LITAF: variants seen among roughly 807,000 people sequenced by gnomAD.
LITAF encodes the protein lipopolysaccharide-induced tumor necrosis factor-alpha factor.
Under a neutral mutation model 14.5 loss-of-function variants are expected in LITAF, and 9 were observed. That is an observed-to-expected ratio of 0.62 (90% CI 0.37 to 1.08). The LOEUF (loss-of-function observed/expected upper bound fraction) is 1.08. LITAF is among the 50% of genes least tolerant of loss of function. The pLI, the probability that LITAF is intolerant of heterozygous loss-of-function variation, is 0.01. For missense variants in LITAF, 206 were observed against 213.4 expected, an observed-to-expected ratio of 0.97 and a Z score of 0.22; for synonymous variants, 98 against 88.2, an observed-to-expected ratio of 1.11 and a Z score of -0.62.
rs71778957 is a variant in LITAF, at chr16:11,548,588, CT to C, written c.*1048del. 126,377 of 361,890 alleles carry C rather than the reference CT, an allele frequency of 0.35. 4,021 individuals are homozygous for C. Among genetic ancestry groups the C allele is most frequent in the South Asian group, 0.4 (17,537 of 44,352 alleles). The allele number at this position is 361,890 out of a possible 1,614,324, so 22.4% of individuals were successfully genotyped here. A position where few individuals can be genotyped will look rare whatever the true frequency, so the allele number is the denominator to read the frequency against. ...TAGATGAAATTATCCATTTCTTTTT[CT>C]TTTTTTTTTTTTTAAGTGAGACTAC... On this transcript the variant is annotated 3_prime_UTR_variant, in exon 4 of 4. Coordinates refer to ENST00000622633, the MANE Select transcript of LITAF (RefSeq NM_001136472.2).
intron 1 of LITAF, among the ~76,000 whole-genome samples, chr16:11,562,437 G>A (rs527824756): frequency 3.9e-5 from 6 of 152,142 alleles, no homozygotes; most frequent in African/African-American, 1.4e-4. Flanking sequence ...GTGACCGGTG[G>A]TGACAGAAAA....
At chr16:11,607,878 A>G (rs2064962741) in intron 3 of LITAF, among the ~76,000 whole-genome samples, 1 of 152,070 alleles carries the variant, frequency 6.6e-6, no homozygotes, top group Admixed American at 6.6e-5. Flanking sequence ...TCCTCCCCAC[A>G]TCATGGCATC....
intron 1 of LITAF, among the ~76,000 whole-genome samples, chr16:11,565,935 G>A (rs12921563): frequency 0.61 from 91,896 of 151,290 alleles, 28,274 homozygotes; most frequent in Non-Finnish European, 0.63. Context: ...TCTGGAGCTA[G>A]ACCCCCTGGG....
At chr16:11,590,224 T>A (rs2064839891), upstream of LITAF, among the ~76,000 whole-genome samples, 1 of 115,948 alleles carries the variant, frequency 8.6e-6, no homozygotes, top group South Asian at 2.6e-4. Flanking sequence ...CTACAAAACA[T>A]TGCTGAAAGA....
chr16:11,616,951 G>T (rs141250474), intron 3 of LITAF, among the ~76,000 whole-genome samples: 69 of 151,042 alleles, frequency 4.6e-4, no homozygotes, highest in African/African-American at 1.7e-3. Flanking sequence ...AGGGCGCAGT[G>T]GCTCACATCT....
chr16:11,564,789 A>C (rs376270876), intron 1 of LITAF, among the ~76,000 whole-genome samples: 9 of 152,162 alleles, frequency 5.9e-5, no homozygotes, highest in African/African-American at 2.2e-4. Flanking sequence ...CCTCGAAAGC[A>C]CAAAAGGCTA....
At chr16:11,593,030 G>T (rs1490493310) in intron 1 of LITAF, among the ~76,000 whole-genome samples, 1 of 152,100 alleles carries the variant, frequency 6.6e-6, no homozygotes. Context: ...AATTAGCCGG[G>T]CGTTATGGCA....
chr16:11,636,744 A>T (rs1384584381), upstream of LITAF, among the ~76,000 whole-genome samples: 1 of 151,856 alleles, frequency 6.6e-6, no homozygotes, highest in Non-Finnish European at 1.5e-5. Context: ...TTGCTTATCT[A>T]TGTCTGCAGC....
chr16:11,631,860 T>A (rs2065119868), intron 3 of LITAF, among the ~76,000 whole-genome samples: 1 of 151,388 alleles, frequency 6.6e-6, no homozygotes, highest in Non-Finnish European at 1.5e-5. Flanking sequence ...TTTCTTTTTT[T>A]TTTTTTTTGA....
intron 3 of LITAF, among the ~76,000 whole-genome samples, chr16:11,550,292 G>A (rs1258405408): frequency 1.3e-5 from 2 of 152,176 alleles, no homozygotes; most frequent in East Asian, 3.9e-4. Flanking sequence ...GTTTCACCGT[G>A]TTGGCCAGGC....
At chr16:11,597,125 T>A (rs1038481186) in intron 1 of LITAF, among the ~76,000 whole-genome samples, 1 of 152,088 alleles carries the variant, frequency 6.6e-6, no homozygotes, top group African/African-American at 2.4e-5. Context: ...CAGGCACCAT[T>A]TCAGGAGCTA....
intron 3 of LITAF, among the ~76,000 whole-genome samples, chr16:11,622,209 C>T (rs981798831): frequency 1.4e-4 from 21 of 152,212 alleles, no homozygotes; most frequent in African/African-American, 5.1e-4. Context: ...GCATGGCTTG[C>T]TCATGAGACC....
chr16:11,577,296 T>C (rs961361314), intron 1 of LITAF, among the ~76,000 whole-genome samples: 2 of 150,960 alleles, frequency 1.3e-5, no homozygotes, highest in African/African-American at 4.9e-5. Context: ...ATCTATGGCA[T>C]CAGCTCATTA....
At chr16:11,614,257 TCTC>T (rs1230149793) in intron 3 of LITAF, among the ~76,000 whole-genome samples, 1 of 151,812 alleles carries the variant, frequency 6.6e-6, no homozygotes, top group Admixed American at 6.6e-5. Context: ...GCCTTCTCCT[TCTC>T]CTTCTCCTTC....
intron 1 of LITAF, among the ~76,000 whole-genome samples, chr16:11,574,312 C>G (rs11639824): frequency 0.78 from 117,818 of 152,008 alleles, 46,209 homozygotes; most frequent in African/African-American, 0.88. Flanking sequence ...AAAGCGCTGG[C>G]ATTACAGGCA....
chr16:11,629,313 T>A (rs76445636), intron 3 of LITAF: 9,793 of 152,408 alleles, frequency 0.064, 788 homozygotes, highest in African/African-American at 0.18. Flanking sequence ...AAGCAGAGCC[T>A]GTGATGGAGA....
upstream of LITAF, among the ~76,000 whole-genome samples, chr16:11,601,526 C>T (rs1049935558): frequency 1.3e-5 from 2 of 152,130 alleles, no homozygotes; most frequent in African/African-American, 2.4e-5. Flanking sequence ...TCTTAAAAAT[C>T]GTGACTGGTT....
At chr16:11,609,585 GAA>G (rs1010878289) in intron 3 of LITAF, among the ~76,000 whole-genome samples, 1 of 152,138 alleles carries the variant, frequency 6.6e-6, no homozygotes, top group African/African-American at 2.4e-5. Context: ...TTGGAAAAAA[GAA>G]AAAGGGATAA....
Position 11,623,388 on chromosome 16 carries a change from G to A in LITAF, c.85+10145C>T, listed in dbSNP as rs1249120139. Among the ~76,000 whole-genome samples, 5 of 151,980 alleles carry A rather than the reference G, an allele frequency of 3.3e-5. 1 individual carries two copies. The South Asian group carries it at 6.2e-4, about 19-fold the overall frequency. On this transcript the variant is annotated intron_variant, in intron 3 of 3. Transcript: ENST00000574848. Reference sequence around the variant, plus strand: ...TCATCAAGAATCTCTCAGGCTGGGCGTGGTGGCTCACACCTGTAACCCCAG... The same window carrying A: ...TCATCAAGAATCTCTCAGGCTGGGCATGGTGGCTCACACCTGTAACCCCAG...
Sources: gnomAD v4.1 joint callset for allele counts (sites outside exome capture counted in the v4.1 genomes callset) on GRCh38, gnomAD v4.1.1 for gene constraint, MANE v1.5 for transcripts, NCBI Gene and HGNC (gene_info 2026-07-23, HGNC 2026-07-21) for gene names.